The following ASTN1 variants were observed in gnomAD, a reference collection of about 807,000 sequenced individuals.
The protein encoded by ASTN1 is astrotactin-1.
In ASTN1, 41 loss-of-function variants were observed where a neutral mutation model predicts 140.7. The ratio of observed to expected loss-of-function variants is 0.29; its 90% CI spans 0.23 to 0.38. The LOEUF (loss-of-function observed/expected upper bound fraction) is 0.38, where lower values mean the gene tolerates loss of function less well. Ranked by LOEUF, ASTN1 falls within the 10% of genes least tolerant of loss-of-function variation. The pLI, the probability that ASTN1 is intolerant of heterozygous loss-of-function variation, is 1.00. For missense variants in ASTN1, 1,479 were observed against 1,678.8 expected, an observed-to-expected ratio of 0.88 and a Z score of 2.08; for synonymous variants, 640 against 652.2, an observed-to-expected ratio of 0.98 and a Z score of 0.29.
chr1:177,128,268 T>TAAAA (rs1286323539), intron 1 of ASTN1, among the ~76,000 whole-genome samples: 3 of 152,204 alleles, frequency 2.0e-5, no homozygotes, highest in Non-Finnish European at 4.4e-5. Flanking sequence ...CTTCATAGGC[T>TAAAA]ATCCTCACCC....
At chr1:177,138,266 A>G (rs1387406170) in intron 1 of ASTN1, among the ~76,000 whole-genome samples, 1 of 152,080 alleles carries the variant, frequency 6.6e-6, no homozygotes, top group Non-Finnish European at 1.5e-5. Flanking sequence ...GCCCCAGAAA[A>G]TCTCTCTGCT....
chr1:176,920,355 C>T (rs535512218), intron 16 of ASTN1, among the ~76,000 whole-genome samples: 1 of 152,260 alleles, frequency 6.6e-6, no homozygotes, highest in Admixed American at 6.5e-5. Flanking sequence ...TATGAACAAC[C>T]CTTCACAAAA....
chr1:177,148,630 C>CT lies in ASTN1; in HGVS notation c.283+15763dup, dbSNP rs199808314. ...TTTGGCAAGGACTCTCTTTTTTCTT[C>CT]TTTTTTTTTTAATGCACTAGCTTTT... On this transcript the variant is annotated intron_variant, in intron 1 of 22. Coordinates refer to ENST00000361833, the MANE Select transcript of ASTN1 (RefSeq NM_004319.3). 4.2e-4 allele frequency among the ~76,000 whole-genome samples: 59 copies of CT among 141,988 alleles called. No homozygotes were observed. The Middle Eastern group carries it at 0.018, about 43-fold the overall frequency. 93.1% of individuals were successfully genotyped at this position (141,988 alleles called of 152,430 possible). A position where few individuals can be genotyped will look rare whatever the true frequency, so the allele number is the denominator to read the frequency against.
At chr1:177,031,083 C>A (rs1015855904) in intron 3 of ASTN1, 131 bp from the exon 4 acceptor site, 7 of 1,002,778 alleles carry the variant, frequency 7.0e-6, no homozygotes, top group Non-Finnish European at 9.8e-6. Flanking sequence ...AACTGAGAGA[C>A]TGGCTGCAAG....
At chr1:177,002,581 C>T (rs555191453) in intron 8 of ASTN1, among the ~76,000 whole-genome samples, 73 of 152,060 alleles carry the variant, frequency 4.8e-4, no homozygotes, top group African/African-American at 1.7e-3. Flanking sequence ...TTTTTTATCA[C>T]ACGCATTCCT....
Position 177,023,540 on chromosome 1 carries a change from C to T in ASTN1, c.1302G>A (p.Gln434=), listed in dbSNP as rs10798496. 638,952 of 1,601,130 alleles carry T rather than the reference C, an allele frequency of 0.4. 134,863 individuals are homozygous for T. Among genetic ancestry groups the T allele is most frequent in the Middle Eastern group, 0.46 (2,734 of 5,904 alleles). Residue 434 remains glutamine, a synonymous_variant, in exon 7 of 23, where the codon CAG becomes CAA. Coordinates refer to ENST00000361833, the MANE Select transcript of ASTN1 (RefSeq NM_004319.3). The stretch of plus-strand genomic sequence containing the variant: ...GGTTCAGCCAGTCACTGGCATCCAG[C>T]TGGCTCCCCTCCAGCAAGATGAAGC... The part of the protein sequence containing the change: ...GSRFILLEGS[Q]LDASDWLNPA...
Position 176,943,940 on chromosome 1 carries a change from T to C in ASTN1, c.2328A>G (p.Gln776=). ...TGGGCTCCGAGATCTCCTCTAGGCA[T>C]TGATTCTCCAGGGGCACAGTGGCCA... ...LVVATVPLEN[Q]CLEEISEPTP... is the part of the protein sequence containing the mutation. The change falls in exon 14 of 23, where the codon CAA becomes CAG. Residue 776 remains glutamine, a synonymous_variant. Coordinates refer to ENST00000361833, the MANE Select transcript of ASTN1 (RefSeq NM_004319.3). 4 of 1,614,054 alleles carry C rather than the reference T, an allele frequency of 2.5e-6. No individual in the cohort carries two copies. Among genetic ancestry groups the C allele is most frequent in the Non-Finnish European group, 3.4e-6 (4 of 1,179,972 alleles).
chr1:177,076,531 T>G (rs1678921685), intron 1 of ASTN1, among the ~76,000 whole-genome samples: 4 of 151,094 alleles, frequency 2.6e-5, no homozygotes, highest in Admixed American at 2.6e-4. Context: ...TTTCTTTTTT[T>G]TTTTTTATGA....
chr1:177,090,326 A>G (rs1679686265), intron 1 of ASTN1, among the ~76,000 whole-genome samples: 1 of 151,976 alleles, frequency 6.6e-6, no homozygotes, highest in Non-Finnish European at 1.5e-5. Context: ...AGCATATGCA[A>G]CATGCTAGAC....
intron 13 of ASTN1, 64 bp downstream of exon 13, chr1:176,945,862 C>A: frequency 6.8e-7 from 1 of 1,478,424 alleles, no homozygotes; most frequent in Non-Finnish European, 9.2e-7. Flanking sequence ...TATGCTAGTG[C>A]AAACTCTTTA....
chr1:177,029,846 C>T (rs1244697315), intron 4 of ASTN1, 105 bp from the exon 5 acceptor site: 2 of 1,097,590 alleles, frequency 1.8e-6, no homozygotes, highest in Non-Finnish European at 2.6e-6. Context: ...TGAAAGTAAG[C>T]TGACTGATAA....
At chr1:177,066,701 T>G (rs1303682793) in intron 1 of ASTN1, among the ~76,000 whole-genome samples, 1 of 152,230 alleles carries the variant, frequency 6.6e-6, no homozygotes, top group Non-Finnish European at 1.5e-5. Flanking sequence ...ACCAGCTCCA[T>G]GATGCCCTCT....
At chr1:177,050,335 C>T (rs531653084) in intron 2 of ASTN1, among the ~76,000 whole-genome samples, 7 of 152,254 alleles carry the variant, frequency 4.6e-5, no homozygotes, top group African/African-American at 1.7e-4. Context: ...TTATACAAAT[C>T]CCAAATGTCA....
intron 1 of ASTN1, among the ~76,000 whole-genome samples, chr1:177,132,350 T>G (rs962108897): frequency 3.9e-5 from 6 of 152,178 alleles, no homozygotes; most frequent in Non-Finnish European, 8.8e-5. Flanking sequence ...TCGTCACCAG[T>G]AGAGATGAGT....
chr1:176,973,586 C>T (rs12145795), intron 8 of ASTN1, among the ~76,000 whole-genome samples: 7,495 of 152,160 alleles, frequency 0.049, 218 homozygotes, highest in Non-Finnish European at 0.062. Context: ...ACATTTTCCT[C>T]GTTCATTCAC....
In ASTN1 at chr1:176,862,378, T is replaced by C; in HGVS notation, c.*1906A>G. On this transcript the variant is annotated 3_prime_UTR_variant, in exon 23 of 23. Coordinates refer to ENST00000361833, the MANE Select transcript of ASTN1 (RefSeq NM_004319.3). ...GGGTGGGGAGGAGGGCCATGTGCAG[T>C]GGAACTAGGGGTCCCAAGGGTGCTC... 1 of 985,480 alleles carries C rather than the reference T, an allele frequency of 1.0e-6. No homozygotes were observed. Among genetic ancestry groups the C allele is most frequent in the Non-Finnish European group, 1.2e-6 (1 of 829,984 alleles). The allele number at this position is 985,480 out of a possible 1,614,324, so 61.0% of individuals were successfully genotyped here.
chr1:177,160,862 G>A (rs1647321595), intron 1 of ASTN1, among the ~76,000 whole-genome samples: 1 of 152,190 alleles, frequency 6.6e-6, no homozygotes, highest in Non-Finnish European at 1.5e-5. Context: ...AGGGGTTTAG[G>A]TTTAGATTAC....
At chr1:177,158,903 C>CAA (rs1331417526) in intron 1 of ASTN1, among the ~76,000 whole-genome samples, 57 of 111,836 alleles carry the variant, frequency 5.1e-4, no homozygotes, top group East Asian at 3.7e-3. Context: ...AATAAAAATA[C>CAA]AAAAAAAAAA....
chr1:177,148,571 G>A (rs1301531922), intron 1 of ASTN1, among the ~76,000 whole-genome samples: 1 of 151,844 alleles, frequency 6.6e-6, no homozygotes, highest in Non-Finnish European at 1.5e-5. Context: ...CCACAAGCTG[G>A]GAAATAACTA....
Sources: allele counts gnomAD v4.1 joint callset (sites outside exome capture counted in the v4.1 genomes callset), GRCh38; gene constraint gnomAD v4.1.1; transcripts MANE v1.5; gene names NCBI Gene and HGNC (gene_info 2026-07-23, HGNC 2026-07-21).